Variants in PSMA8 observed in about 807,000 individuals in gnomAD.
PSMA8 encodes proteasome 20S subunit alpha 8, also known as proteasome subunit alpha-type 8.
PSMA8 carries 18 observed loss-of-function variants against 32.4 expected under a neutral mutation model. That is an observed-to-expected ratio of 0.56 (90% CI 0.38 to 0.82). The LOEUF is 0.82. Ranked by LOEUF, PSMA8 falls within the 40% of genes least tolerant of loss-of-function variation. The probability of loss-of-function intolerance (pLI) is 0.00; values close to 1 mark genes in which losing one functional copy is unlikely to be tolerated. For synonymous variants in PSMA8, 104 were observed against 98.1 expected (o/e 1.06, Z -0.36); for missense variants, 298 against 300.7 (o/e 0.99, Z 0.07).
intron 6 of PSMA8, among the ~76,000 whole-genome samples, chr18:26,186,935 G>A (rs1024905859): frequency 2.0e-5 from 3 of 152,230 alleles, no homozygotes; most frequent in Non-Finnish European, 4.4e-5. Context: ...CCCTGGAGAA[G>A]GATACTTGTC....
intron 4 of PSMA8, chr18:26,170,976 G>A: frequency 6.4e-7 from 1 of 1,556,102 alleles, no homozygotes; most frequent in Non-Finnish European, 8.6e-7. Context: ...TGCTAATTCT[G>A]GTTGTTCAGT....
chr18:26,167,349 G>A (rs2055188458), intron 4 of PSMA8, among the ~76,000 whole-genome samples: 1 of 152,168 alleles, frequency 6.6e-6, no homozygotes, highest in African/African-American at 2.4e-5. Flanking sequence ...TTTCTCTTGT[G>A]AAGCCAGAGA....
At position 26,185,026 on chromosome 18, in the gene PSMA8, A is replaced by C. The variant is rs570031972; in HGVS notation, c.660+5896A>C. On this transcript the variant is annotated intron_variant, in intron 6 of 6. Transcript: ENST00000415576. ...TCGCTTGAACCGGGAGACAGAGGTT[A>C]CAGTGAGCCAAGATAATGCCATTGC... 1.4e-5 allele frequency among the ~76,000 whole-genome samples: 2 copies of C among 146,814 alleles called. 1 individual carries two copies. The highest frequency in any genetic ancestry group is 5.1e-5 in the African/African-American group (2 of 39,358).
intron 1 of PSMA8, among the ~76,000 whole-genome samples, chr18:26,137,906 G>A (rs1442134926): frequency 6.6e-6 from 1 of 152,198 alleles, no homozygotes; most frequent in Non-Finnish European, 1.5e-5. Flanking sequence ...AAGATGAGGG[G>A]CTGTCAAGTG....
Position 26,178,819 on chromosome 18 carries a change from T to C in PSMA8, c.478-11T>C. ...GCAATGATATTAATAAATTAACTTTTATTTTTCAAGGCAAATGCAATAGGC... is the reference window on the plus strand; with the variant it reads ...GCAATGATATTAATAAATTAACTTTCATTTTTCAAGGCAAATGCAATAGGC... On this transcript the variant is annotated splice_polypyrimidine_tract_variant and intron_variant, in intron 4 of 6. Coordinates refer to ENST00000415576, the MANE Select transcript of PSMA8 (RefSeq NM_001025096.2). 6.2e-7 allele frequency: 1 copy of C among 1,604,418 alleles called. No homozygotes were observed. The highest frequency in any genetic ancestry group is 8.5e-7 in the Non-Finnish European group (1 of 1,176,908).
At chr18:26,144,803 A>G (rs1322550349) in intron 2 of PSMA8, 118 bp downstream of exon 2, 1 of 912,414 alleles carries the variant, frequency 1.1e-6, no homozygotes, top group African/African-American at 1.7e-5. Context: ...TCTACAAACA[A>G]TATATCCTAC....
At chr18:26,179,433 T>A (rs1598668639) in intron 6 of PSMA8, among the ~76,000 whole-genome samples, 1 of 152,132 alleles carries the variant, frequency 6.6e-6, no homozygotes, top group Admixed American at 6.5e-5. Flanking sequence ...AGTCGTCCTG[T>A]CTACTGATTT....
intron 6 of PSMA8, among the ~76,000 whole-genome samples, chr18:26,181,934 A>C (rs1054046676): frequency 3.3e-5 from 5 of 152,110 alleles, no homozygotes; most frequent in Non-Finnish European, 5.9e-5. Flanking sequence ...AAAAAAAAAA[A>C]AAAAACCAGT....
At chr18:26,145,557 A>G (rs1460867845) in intron 2 of PSMA8, among the ~76,000 whole-genome samples, 1 of 152,214 alleles carries the variant, frequency 6.6e-6, no homozygotes, top group Non-Finnish European at 1.5e-5. Context: ...GGAAACTGCT[A>G]TCTATTCTGT....
At chr18:26,135,031 AC>A (rs1408701651) in intron 1 of PSMA8, among the ~76,000 whole-genome samples, 32 of 152,202 alleles carry the variant, frequency 2.1e-4, no homozygotes, top group Middle Eastern at 3.4e-3. Flanking sequence ...AAGAACTTCC[AC>A]TTTTTTGGCC....
chr18:26,144,056 A>G (rs146585035), intron 1 of PSMA8, among the ~76,000 whole-genome samples: 1 of 152,174 alleles, frequency 6.6e-6, no homozygotes, highest in Non-Finnish European at 1.5e-5. Flanking sequence ...TGTTTGTTAT[A>G]TATACAGCTC....
intron 1 of PSMA8, among the ~76,000 whole-genome samples, chr18:26,135,704 GGAGAAGAC>G (rs2054906009): frequency 6.6e-6 from 1 of 152,164 alleles, no homozygotes; most frequent in Non-Finnish European, 1.5e-5. Flanking sequence ...GGGAGTAATA[GGAGAAGAC>G]TAGGGTGTAA....
rs181759929 is a variant in PSMA8 at position 26,175,410 on chromosome 18, C to T, written c.478-3420C>T. ...TAGTCGCAATAAAGGCTTCAGTTGACACCATGGAGTGCTCTGGATCTGTAG... is the reference window on the plus strand; with the variant it reads ...TAGTCGCAATAAAGGCTTCAGTTGATACCATGGAGTGCTCTGGATCTGTAG... On this transcript the variant is annotated intron_variant, in intron 4 of 6. Transcript: ENST00000415576. Among the ~76,000 whole-genome samples, 161 of 152,312 alleles carry T rather than the reference C, an allele frequency of 1.1e-3. 1 individual carries two copies. The highest frequency in any genetic ancestry group is 1.2e-3 in the Non-Finnish European group (81 of 68,042).
intron 1 of PSMA8, among the ~76,000 whole-genome samples, chr18:26,136,083 T>G (rs1031509995): frequency 6.6e-6 from 1 of 152,212 alleles, no homozygotes; most frequent in Non-Finnish European, 1.5e-5. Flanking sequence ...TATGTAGATG[T>G]GATACTATTT....
intron 1 of PSMA8, among the ~76,000 whole-genome samples, chr18:26,143,286 C>T (rs12957996): frequency 0.052 from 7,901 of 152,090 alleles, 224 homozygotes; most frequent in East Asian, 0.12. Flanking sequence ...AAGATGTGTG[C>T]GTTAGGTTAA....
rs1243419942 is a variant in PSMA8, at chr18:26,169,833, C to G, written c.478-8997C>G. 1.7e-5 allele frequency among the ~76,000 whole-genome samples: 2 copies of G among 117,784 alleles called. 1 individual carries two copies. The highest frequency in any genetic ancestry group is 3.1e-5 in the Non-Finnish European group (2 of 63,798). 77.3% of individuals were successfully genotyped at this position (117,784 alleles called of 152,430 possible). A position where few individuals can be genotyped will look rare whatever the true frequency, so the allele number is the denominator to read the frequency against. ...TGCATGCTAGCCTGGGCAACAAGAGCGAAACGCTGTCTAAAAAAAAAAGAA... is the reference window on the plus strand; with the variant it reads ...TGCATGCTAGCCTGGGCAACAAGAGGGAAACGCTGTCTAAAAAAAAAAGAA... On this transcript the variant is annotated intron_variant, in intron 4 of 6. Coordinates refer to ENST00000415576, the MANE Select transcript of PSMA8 (RefSeq NM_001025096.2).
intron 1 of PSMA8, 116 bp from the exon 2 acceptor site, chr18:26,144,443 T>G (rs531694164): frequency 7.3e-6 from 6 of 825,756 alleles, no homozygotes; most frequent in African/African-American, 5.2e-5. Flanking sequence ...GTTACTTTTC[T>G]TGTTTTTATT....
intron 1 of PSMA8, chr18:26,140,014 A>G (rs2054942163): frequency 4.3e-6 from 3 of 701,616 alleles, no homozygotes; most frequent in Non-Finnish European, 7.8e-6. Context: ...AAATTCATAG[A>G]TCTCCATACT....
At chr18:26,176,308 A>G (rs542060647) in intron 4 of PSMA8, among the ~76,000 whole-genome samples, 2 of 152,306 alleles carry the variant, frequency 1.3e-5, no homozygotes, top group African/African-American at 2.4e-5. Context: ...CACTACCTGA[A>G]GCCACTAACT....
Sources: gnomAD v4.1 joint callset for allele counts (sites outside exome capture counted in the v4.1 genomes callset) on GRCh38, gnomAD v4.1.1 for gene constraint, MANE v1.5 for transcripts, NCBI Gene and HGNC (gene_info 2026-07-23, HGNC 2026-07-21) for gene names.